The following MIS18A variants were observed in gnomAD, a reference collection of about 807,000 sequenced individuals.
MIS18A encodes protein Mis18-alpha.
Under a neutral mutation model 25.0 loss-of-function variants are expected in MIS18A, and 14 were observed. That is an observed-to-expected ratio of 0.56 (90% CI 0.37 to 0.88). MIS18A has a LOEUF of 0.88. Among genes scored for constraint, MIS18A ranks in the 40% least tolerant of loss-of-function variants. The pLI, the probability that MIS18A is intolerant of heterozygous loss-of-function variation, is 0.00. For synonymous variants in MIS18A, 134 were observed against 118.6 expected (o/e 1.13, Z -0.84); for missense variants, 292 against 290.8 (o/e 1.00, Z -0.03).
chr21:32,167,930 T>C, the MIS18A span, among the ~76,000 whole-genome samples: 2 of 152,160 alleles, frequency 1.3e-5, no homozygotes, highest in Admixed American at 6.6e-5. Context: ...TAGGACGTTG[T>C]TATGGACTGA....
chr21:32,253,001 A>G, the MIS18A span, among the ~76,000 whole-genome samples: 2 of 152,140 alleles, frequency 1.3e-5, no homozygotes, highest in East Asian at 1.9e-4. Context: ...AGAACTAAGG[A>G]AGGAGCTGCC....
chr21:32,167,289 C>T, the MIS18A span, among the ~76,000 whole-genome samples: 5 of 152,044 alleles, frequency 3.3e-5, no homozygotes, highest in Non-Finnish European at 5.9e-5. Flanking sequence ...TACCAAAAAA[C>T]AGGACCAAAA....
At chr21:32,214,274 G>C in the MIS18A span, among the ~76,000 whole-genome samples, 1 of 152,184 alleles carries the variant, frequency 6.6e-6, no homozygotes, top group Non-Finnish European at 1.5e-5. Flanking sequence ...TTCCTCAGGA[G>C]GTTGATTCAG....
At chr21:32,190,553 A>T in the MIS18A span, among the ~76,000 whole-genome samples, 1 of 152,198 alleles carries the variant, frequency 6.6e-6, no homozygotes, top group Non-Finnish European at 1.5e-5. Context: ...CACATTTTTT[A>T]AAAACACTAA....
At chr21:32,277,294 AAAC>A (rs1262142625) in intron 1 of MIS18A, among the ~76,000 whole-genome samples, 1 of 152,238 alleles carries the variant, frequency 6.6e-6, no homozygotes, top group Non-Finnish European at 1.5e-5. Context: ...AAGTAACGCA[AAAC>A]AACGAAAAGA....
At chr21:32,274,197 CTTTTTTTTTTTTTTT>C (rs1184186125) in intron 2 of MIS18A, among the ~76,000 whole-genome samples, 2 of 72,770 alleles carry the variant, frequency 2.7e-5, no homozygotes, top group Admixed American at 1.7e-4. Context: ...TCCTTTTCTT[CTTTTTTTTTTTTTTT>C]TTTTTTTTTT....
chr21:32,275,469 A>G (rs1480729236), intron 1 of MIS18A, among the ~76,000 whole-genome samples: 3 of 152,144 alleles, frequency 2.0e-5, no homozygotes. Flanking sequence ...CCATTTCTCT[A>G]AAAGTAACTG....
the MIS18A span, among the ~76,000 whole-genome samples, chr21:32,224,358 T>A: frequency 6.6e-6 from 1 of 151,174 alleles, no homozygotes; most frequent in African/African-American, 2.5e-5. Context: ...GCAGACGACA[T>A]GACTGTTTAT....
At chr21:32,237,718 A>G in the MIS18A span, among the ~76,000 whole-genome samples, 1 of 152,202 alleles carries the variant, frequency 6.6e-6, no homozygotes, top group Admixed American at 6.5e-5. Flanking sequence ...CATTTTACAA[A>G]TTGCAAAATT....
chr21:32,202,095 C>T, the MIS18A span, among the ~76,000 whole-genome samples: 2 of 151,956 alleles, frequency 1.3e-5, no homozygotes, highest in Non-Finnish European at 2.9e-5. Flanking sequence ...TTAAGACCAA[C>T]CTGGGAAACA....
the MIS18A span, among the ~76,000 whole-genome samples, chr21:32,258,090 G>A: frequency 5.9e-5 from 9 of 152,068 alleles, no homozygotes; most frequent in Admixed American, 4.6e-4. Context: ...TCCTTATTCC[G>A]GAAGACTGCC....
chr21:32,193,324 G>A, the MIS18A span, among the ~76,000 whole-genome samples: 1 of 152,164 alleles, frequency 6.6e-6, no homozygotes, highest in African/African-American at 2.4e-5. Flanking sequence ...TTCTTCCCAC[G>A]TGGCAGATTA....
chr21:32,227,025 A>G, the MIS18A span, among the ~76,000 whole-genome samples: 1 of 152,158 alleles, frequency 6.6e-6, no homozygotes, highest in African/African-American at 2.4e-5. Context: ...GAAATTGAGC[A>G]GATTGAAAAC....
downstream of MIS18A, among the ~76,000 whole-genome samples, chr21:32,266,049 G>C (rs906192813): frequency 6.6e-6 from 1 of 151,642 alleles, no homozygotes; most frequent in Admixed American, 6.6e-5. Context: ...TGGCAAGGAC[G>C]TGGAGAACCT....
the MIS18A span, among the ~76,000 whole-genome samples, chr21:32,212,990 T>C: frequency 6.6e-6 from 1 of 152,192 alleles, no homozygotes; most frequent in Non-Finnish European, 1.5e-5. Context: ...AACAGGCTAA[T>C]ACAATTATCA....
chr21:32,181,633 T>A, the MIS18A span, among the ~76,000 whole-genome samples: 1 of 152,110 alleles, frequency 6.6e-6, no homozygotes, highest in Non-Finnish European at 1.5e-5. Flanking sequence ...AGTGCCCAGA[T>A]AATGGGAACA....
At chr21:32,244,432 C>T in the MIS18A span, among the ~76,000 whole-genome samples, 1 of 152,032 alleles carries the variant, frequency 6.6e-6, no homozygotes, top group Non-Finnish European at 1.5e-5. Context: ...CCACAAAAAG[C>T]TGACTTTTAC....
chr21:32,246,958 C>A, the MIS18A span, among the ~76,000 whole-genome samples: 3 of 152,032 alleles, frequency 2.0e-5, no homozygotes, highest in African/African-American at 4.8e-5. Context: ...TTGCTTCTGA[C>A]CAAAAAAAAT....
chr21:32,176,395 G>A, the MIS18A span, among the ~76,000 whole-genome samples: 1 of 152,076 alleles, frequency 6.6e-6, no homozygotes, highest in Non-Finnish European at 1.5e-5. Context: ...AACCATCACT[G>A]TATATGCAAA....
Sources: allele counts gnomAD v4.1 joint callset (sites outside exome capture counted in the v4.1 genomes callset), GRCh38; gene constraint gnomAD v4.1.1; transcripts MANE v1.5; gene names NCBI Gene and HGNC (gene_info 2026-07-23, HGNC 2026-07-21).